FIG4: variants seen among roughly 807,000 people sequenced by gnomAD.
The protein encoded by FIG4 is polyphosphoinositide phosphatase.
FIG4 carries 112 observed loss-of-function variants against 118.6 expected under a neutral mutation model. The ratio of observed to expected loss-of-function variants is 0.94; its 90% CI spans 0.81 to 1.11. The LOEUF is 1.11. FIG4 is among the 50% of genes least tolerant of loss of function. FIG4 has a pLI of 0.00. For missense variants in FIG4, 969 were observed against 1,111.7 expected, an observed-to-expected ratio of 0.87 and a Z score of 1.83; for synonymous variants, 369 against 381.2, an observed-to-expected ratio of 0.97 and a Z score of 0.37.
intron 22 of FIG4, among the ~76,000 whole-genome samples, chr6:109,824,746 G>A (rs1231824896): frequency 6.6e-6 from 1 of 152,182 alleles, no homozygotes; most frequent in African/African-American, 2.4e-5. Context: ...CAAGGAAAAA[G>A]AGCAAAAAGT....
In FIG4 at chr6:109,743,603, AC is replaced by A. The variant is rs1352235335; in HGVS notation, c.1040-71del. On this transcript the variant is annotated intron_variant, in intron 9 of 22. Coordinates refer to ENST00000230124, the MANE Select transcript of FIG4 (RefSeq NM_014845.6). ...AGTTGAATTGCATTTCTTTAAAAAA[AC>A]AACCCTATGCTTCTTTTATTTTGCT... 8.4e-6 allele frequency: 10 copies of A among 1,194,332 alleles called. No individual in the cohort carries two copies. In the Admixed American group the frequency reaches 1.5e-4, roughly 18 times the overall value. 74.0% of individuals were successfully genotyped at this position (1,194,332 alleles called of 1,614,324 possible). A position where few individuals can be genotyped will look rare whatever the true frequency, so the allele number is the denominator to read the frequency against.
intron 1 of FIG4, among the ~76,000 whole-genome samples, chr6:109,703,660 A>T (rs1397055965): frequency 2.6e-5 from 4 of 152,020 alleles, no homozygotes; most frequent in African/African-American, 9.7e-5. Context: ...CCTGTTTTGC[A>T]CCTCAGACAT....
intron 1 of FIG4, among the ~76,000 whole-genome samples, chr6:109,691,781 C>A (rs1314036282): frequency 6.6e-6 from 1 of 152,132 alleles, no homozygotes; most frequent in African/African-American, 2.4e-5. Context: ...AGGAACTGTT[C>A]ATGAGGTTCT....
chr6:109,694,323 A>G (rs947599074), intron 1 of FIG4, among the ~76,000 whole-genome samples: 1 of 152,210 alleles, frequency 6.6e-6, no homozygotes, highest in Non-Finnish European at 1.5e-5. Context: ...GCAGGTGCTA[A>G]GAATGTATAC....
intron 22 of FIG4, among the ~76,000 whole-genome samples, chr6:109,809,524 G>A (rs973728049): frequency 1.9e-4 from 29 of 152,026 alleles, no homozygotes; most frequent in African/African-American, 7.0e-4. Flanking sequence ...GAGTGTGAAG[G>A]GATTCTGAGA....
chr6:109,799,922 A>G (rs565580737), intron 22 of FIG4, among the ~76,000 whole-genome samples: 1 of 152,268 alleles, frequency 6.6e-6, no homozygotes, highest in Non-Finnish European at 1.5e-5. Context: ...CCACTCCCTG[A>G]GTGTAGGGGT....
In FIG4 at chr6:109,789,716, G is replaced by C. The variant is rs370028887; in HGVS notation, c.2180+39G>C. 10 of 1,384,844 alleles carry C rather than the reference G, an allele frequency of 7.2e-6. No individual in the cohort carries two copies. The African/African-American group carries it at 1.4e-4, about 20-fold the overall frequency. The allele number at this position is 1,384,844 out of a possible 1,614,324, so 85.8% of individuals were successfully genotyped here. A position where few individuals can be genotyped will look rare whatever the true frequency, so the allele number is the denominator to read the frequency against. On this transcript the variant is annotated intron_variant, in intron 19 of 22. Transcript: ENST00000230124. Reference sequence around the variant, plus strand: ...ATAGAACGAAACTTTAAAGATTTGTGTAAAAGAATAGTACTTGCAATATGA... The same window carrying C: ...ATAGAACGAAACTTTAAAGATTTGTCTAAAAGAATAGTACTTGCAATATGA...
At chr6:109,720,205 A>G (rs1296750879) in intron 3 of FIG4, among the ~76,000 whole-genome samples, 1 of 152,254 alleles carries the variant, frequency 6.6e-6, no homozygotes. Context: ...TTAAGAATCC[A>G]TGAAAAGTAA....
In FIG4 at chr6:109,766,916, A is replaced by G. The variant is rs559318548; in HGVS notation, c.1750+21A>G. ...TTCAGGTAATTCTGAAGTAATAGCTATTTTTAAGACTTACTCTGAAGTGCA... is the reference window on the plus strand; with the variant it reads ...TTCAGGTAATTCTGAAGTAATAGCTGTTTTTAAGACTTACTCTGAAGTGCA... On this transcript the variant is annotated intron_variant, in intron 15 of 22. Coordinates refer to ENST00000230124, the MANE Select transcript of FIG4 (RefSeq NM_014845.6). The G allele has an allele frequency of 1.8e-5, 29 of 1,605,392 alleles. 1 individual carries two copies. The highest frequency in any genetic ancestry group is 1.5e-4 in the South Asian group (14 of 90,908).
At chr6:109,792,440 A>G (rs1778160510) in intron 20 of FIG4, 142 bp from the exon 21 acceptor site, 3 of 610,402 alleles carry the variant, frequency 4.9e-6, no homozygotes, top group South Asian at 1.9e-5. Context: ...ACCATCAACT[A>G]AGAAGTTTAA....
chr6:109,782,192 G>A (rs1034609370), intron 16 of FIG4, among the ~76,000 whole-genome samples: 2 of 152,274 alleles, frequency 1.3e-5, no homozygotes, highest in East Asian at 3.9e-4. Context: ...GCAATCTCCT[G>A]TTTTCTGATC....
intron 1 of FIG4, among the ~76,000 whole-genome samples, chr6:109,703,113 C>A (rs80044835): frequency 0.046 from 7,016 of 151,558 alleles, 375 homozygotes; most frequent in East Asian, 0.23. Flanking sequence ...TTTTTTTAAG[C>A]CCATGAGTAT....
chr6:109,735,549 T>C (rs1776136418), intron 6 of FIG4, among the ~76,000 whole-genome samples: 1 of 152,144 alleles, frequency 6.6e-6, no homozygotes, highest in East Asian at 1.9e-4. Context: ...GTACTTTTTA[T>C]TGAATACATT....
chr6:109,793,126 G>A (rs1226513055), intron 21 of FIG4, among the ~76,000 whole-genome samples: 1 of 152,242 alleles, frequency 6.6e-6, no homozygotes, highest in Non-Finnish European at 1.5e-5. Context: ...CTAAATGCCT[G>A]AGACTCTGCC....
At chr6:109,714,351 C>T (rs144031994) in intron 1 of FIG4, among the ~76,000 whole-genome samples, 19 of 152,322 alleles carry the variant, frequency 1.2e-4, no homozygotes, top group Non-Finnish European at 2.1e-4. Flanking sequence ...TGCCTTCCCT[C>T]TGAAGATCTG....
intron 4 of FIG4, 143 bp from the exon 5 acceptor site, chr6:109,732,494 G>A: frequency 3.1e-6 from 2 of 640,506 alleles, no homozygotes; most frequent in South Asian, 3.6e-5. Flanking sequence ...TGCTTTGGAT[G>A]TAATCCCTAT....
intron 15 of FIG4, among the ~76,000 whole-genome samples, chr6:109,775,704 TCCC>T (rs1365928534): frequency 1.3e-5 from 2 of 151,888 alleles, no homozygotes; most frequent in East Asian, 3.9e-4. Context: ...GCAAAGAAAG[TCCC>T]CAAATGTGCT....
At chr6:109,692,268 A>G (rs189479508) in intron 1 of FIG4, among the ~76,000 whole-genome samples, 94 of 152,224 alleles carry the variant, frequency 6.2e-4, no homozygotes, top group Non-Finnish European at 1.2e-3. Context: ...TTGGGGTGCC[A>G]CAGTGATATT....
intron 22 of FIG4, among the ~76,000 whole-genome samples, chr6:109,815,211 C>T (rs1778827041): frequency 6.6e-6 from 1 of 152,118 alleles, no homozygotes; most frequent in Admixed American, 6.5e-5. Flanking sequence ...GTCACCACTG[C>T]ATCCACCCCT....
Sources: gnomAD v4.1 joint callset for allele counts (sites outside exome capture counted in the v4.1 genomes callset) on GRCh38, gnomAD v4.1.1 for gene constraint, MANE v1.5 for transcripts, NCBI Gene and HGNC (gene_info 2026-07-23, HGNC 2026-07-21) for gene names.